NLGN4X: variants seen among roughly 807,000 people sequenced by gnomAD.
The protein encoded by NLGN4X is neuroligin 4 X-linked, also known as neuroligin-4, X-linked.
Under a neutral mutation model 40.3 loss-of-function variants are expected in NLGN4X, and 3 were observed. That is an observed-to-expected ratio of 0.07 (90% confidence interval 0.03 to 0.19). The LOEUF (loss-of-function observed/expected upper bound fraction) is 0.19. Ranked by LOEUF, NLGN4X falls within the 10% of genes least tolerant of loss-of-function variation. NLGN4X has a pLI of 1.00. For synonymous variants in NLGN4X, 270 were observed against 306.8 expected (o/e 0.88, Z 1.25); for missense variants, 382 against 708.3 (o/e 0.54, Z 5.23).
At chrX:5,898,556 C>T (rs751878127) in intron 5 of NLGN4X, among the ~76,000 whole-genome samples, 2 of 111,327 alleles carry the variant, frequency 1.8e-5, no homozygotes, top group African/African-American at 3.3e-5. Flanking sequence ...CAAACACATG[C>T]GCCATCGAGA....
At chrX:6,002,415 G>A (rs1433088910) in intron 3 of NLGN4X, among the ~76,000 whole-genome samples, 2 of 111,974 alleles carry the variant, frequency 1.8e-5, no homozygotes, top group South Asian at 3.7e-4. Flanking sequence ...GCTGTTCCCC[G>A]CCCCGTTCAG....
intron 1 of NLGN4X, among the ~76,000 whole-genome samples, chrX:6,175,091 G>A (rs2040696115): frequency 9.0e-6 from 1 of 111,244 alleles, no homozygotes; most frequent in South Asian, 3.8e-4. Context: ...CCCTCCAGAG[G>A]GTGAAGAGGA....
chrX:5,988,817 C>A (rs1163429524), intron 3 of NLGN4X, among the ~76,000 whole-genome samples: 1 of 112,158 alleles, frequency 8.9e-6, no homozygotes, highest in Non-Finnish European at 1.9e-5. Flanking sequence ...GTAATCCCAG[C>A]ACTTTGGGAG....
chrX:6,222,739 G>A (rs780858675), intron 1 of NLGN4X, among the ~76,000 whole-genome samples: 12 of 112,552 alleles, frequency 1.1e-4, no homozygotes, highest in African/African-American at 3.9e-4. Context: ...CCCACGTGTC[G>A]TGGAGGGATG....
chrX:6,058,575 TC>T (rs1299153755), intron 2 of NLGN4X, among the ~76,000 whole-genome samples: 2 of 112,181 alleles, frequency 1.8e-5, no homozygotes, highest in Non-Finnish European at 3.8e-5. Flanking sequence ...GAACATTATG[TC>T]TTTTTAGGGA....
At chrX:6,159,383 T>C (rs1211875064) in intron 1 of NLGN4X, among the ~76,000 whole-genome samples, 2 of 112,189 alleles carry the variant, frequency 1.8e-5, no homozygotes, top group Non-Finnish European at 3.8e-5. Context: ...CAAATACACA[T>C]TTTGATACAC....
Position 5,973,465 on chromosome X carries a change from C to T in NLGN4X, c.625+55815G>A, listed in dbSNP as rs144077797. Among the ~76,000 whole-genome samples, 333 of 112,388 alleles carry T rather than the reference C, an allele frequency of 3.0e-3. 2 individuals are homozygous for T. The highest frequency in any genetic ancestry group is 8.5e-3 in the African/African-American group (264 of 30,986). On this transcript the variant is annotated intron_variant, in intron 3 of 5. Transcript: ENST00000381095. ...TGCATTTATAGGTTATGCTTGGAAG[C>T]TAAATTGTTTAGTCCTCTAAAACTC...
chrX:5,908,875 A>C (rs2032338195), intron 4 of NLGN4X, among the ~76,000 whole-genome samples, 179 bp downstream of exon 4: 1 of 112,425 alleles, frequency 8.9e-6, no homozygotes, highest in African/African-American at 3.2e-5. Context: ...TGGGTGACAG[A>C]GCAAATGGAA....
chrX:5,895,350 T>C (rs766899276), intron 5 of NLGN4X, among the ~76,000 whole-genome samples: 2 of 111,091 alleles, frequency 1.8e-5, no homozygotes, highest in Non-Finnish European at 3.8e-5. Flanking sequence ...TGGCATATGG[T>C]AAGAATTCAG....
At chrX:6,091,183 T>C (rs991618970) in intron 2 of NLGN4X, among the ~76,000 whole-genome samples, 3 of 110,972 alleles carry the variant, frequency 2.7e-5, no homozygotes, top group Non-Finnish European at 5.7e-5. Flanking sequence ...GTCTGATATG[T>C]GCTATAACAA....
chrX:6,021,063 TCCCTCCCTCC>T (rs2036534170), intron 3 of NLGN4X, among the ~76,000 whole-genome samples: 1 of 22,603 alleles, frequency 4.4e-5, no homozygotes, highest in Non-Finnish European at 7.9e-5. Flanking sequence ...CCTCCCTCCC[TCCCTCCCTCC>T]CTCCCTCTCT....
chrX:6,046,788 C>T (rs1453169511), intron 2 of NLGN4X, among the ~76,000 whole-genome samples: 1 of 108,461 alleles, frequency 9.2e-6, no homozygotes, highest in East Asian at 2.9e-4. Flanking sequence ...TATATATATA[C>T]TATATATACA....
intron 3 of NLGN4X, among the ~76,000 whole-genome samples, chrX:5,945,095 A>C (rs1019120214): frequency 8.9e-6 from 1 of 112,319 alleles, no homozygotes; most frequent in Non-Finnish European, 1.9e-5. Context: ...ATCTTGTTGT[A>C]GTGTAACCAC....
chrX:5,915,965 C>A (rs1415516714), intron 3 of NLGN4X, among the ~76,000 whole-genome samples: 1 of 111,755 alleles, frequency 8.9e-6, no homozygotes, highest in Non-Finnish European at 1.9e-5. Context: ...ACATCTTGTC[C>A]CTCCCTGGGT....
intron 2 of NLGN4X, among the ~76,000 whole-genome samples, chrX:6,065,430 T>TTTTAA (rs2037886660): frequency 1.8e-5 from 2 of 109,730 alleles, no homozygotes; most frequent in Non-Finnish European, 3.8e-5. Flanking sequence ...GATGTTAACA[T>TTTTAA]TGCTTGACAT....
At chrX:5,992,475 C>T (rs1197338140) in intron 3 of NLGN4X, among the ~76,000 whole-genome samples, 1 of 110,900 alleles carries the variant, frequency 9.0e-6, no homozygotes, top group African/African-American at 3.3e-5. Context: ...GAGGCATGCA[C>T]CTGTAGTCCT....
intron 3 of NLGN4X, among the ~76,000 whole-genome samples, chrX:5,944,625 G>T (rs1445921214): frequency 9.3e-5 from 8 of 85,626 alleles, no homozygotes; most frequent in Non-Finnish European, 1.7e-4. Context: ...TTCAACCTGG[G>T]CAAAAGAACC....
chrX:6,050,728 C>T (rs1472144908), intron 2 of NLGN4X, among the ~76,000 whole-genome samples: 1 of 111,349 alleles, frequency 9.0e-6, no homozygotes, highest in Non-Finnish European at 1.9e-5. Context: ...ATCTACCTTT[C>T]TATCTATCCA....
intron 2 of NLGN4X, among the ~76,000 whole-genome samples, chrX:6,082,361 CTG>C (rs1327640346): frequency 3.4e-5 from 3 of 88,564 alleles, no homozygotes; most frequent in African/African-American, 1.3e-4. Flanking sequence ...TATAGTGGGA[CTG>C]TGTCTCCACA....
Sources: gnomAD v4.1 joint callset for allele counts (sites outside exome capture counted in the v4.1 genomes callset) on GRCh38, gnomAD v4.1.1 for gene constraint, MANE v1.5 for transcripts, NCBI Gene and HGNC (gene_info 2026-07-23, HGNC 2026-07-21) for gene names.